Variants in ZSWIM4 observed in about 807,000 individuals in gnomAD.
ZSWIM4 encodes zinc finger SWIM domain-containing protein 4.
ZSWIM4 carries 62 observed loss-of-function variants against 102.5 expected under a neutral mutation model. That is an observed-to-expected ratio of 0.60 (90% CI 0.49 to 0.75). ZSWIM4 has a LOEUF of 0.75. ZSWIM4 is among the 30% of genes least tolerant of loss of function. ZSWIM4 has a pLI of 0.00. For missense variants in ZSWIM4, 1,280 were observed against 1,529.6 expected, an observed-to-expected ratio of 0.84 and a Z score of 2.72; for synonymous variants, 652 against 674.5, an observed-to-expected ratio of 0.97 and a Z score of 0.52.
rs896261422 is a variant in ZSWIM4, at chr19:13,817,409, G to T, written c.1669+56G>T. 7 of 1,575,720 alleles carry T rather than the reference G, an allele frequency of 4.4e-6. No homozygotes were observed. In the African/African-American group the frequency reaches 8.1e-5, roughly 18 times the overall value. ...GGGACAACCCCGCCTCGTTGGCCAC[G>T]CCCCCTGGCCCAGTACCCCTATAAG... On this transcript the variant is annotated intron_variant, in intron 8 of 13. Coordinates refer to ENST00000590508, the MANE Select transcript of ZSWIM4 (RefSeq NM_001367834.3).
intron 1 of ZSWIM4, among the ~76,000 whole-genome samples, chr19:13,797,855 G>C (rs1445470272): frequency 6.6e-6 from 1 of 152,138 alleles, no homozygotes; most frequent in Admixed American, 6.5e-5. Context: ...GTTTCACCAT[G>C]TTGGCCAGGC....
rs373704152 is a variant in ZSWIM4 at position 13,799,848 on chromosome 19, C to T, written c.282C>T (p.His94=). The T allele has an allele frequency of 1.3e-5, 21 of 1,613,614 alleles. 1 individual carries two copies. The South Asian group carries it at 2.1e-4, about 16-fold the overall frequency. ...SLGYPPPEGE[H]DARVPFTRGL... is the part of the protein sequence containing the mutation. ...GTTACCCGCCCCCAGAGGGCGAGCA[C>T]GATGCCCGGGTGCCCTTTACCCGCG... Residue 94 remains histidine, a synonymous_variant, in exon 2 of 14, where the codon CAC becomes CAT. Transcript: ENST00000590508.
intron 3 of ZSWIM4, among the ~76,000 whole-genome samples, chr19:13,806,227 A>C (rs2145278929): frequency 6.6e-6 from 1 of 151,500 alleles, no homozygotes; most frequent in South Asian, 2.1e-4. Flanking sequence ...ATTTTTGTAG[A>C]GACAGGGGTT....
chr19:13,802,643 A>T (rs1388193488), intron 2 of ZSWIM4, among the ~76,000 whole-genome samples: 1 of 151,200 alleles, frequency 6.6e-6, no homozygotes, highest in Non-Finnish European at 1.5e-5. Context: ...CAGTGGCGCG[A>T]TAATAGCTCA....
intron 1 of ZSWIM4, 78 bp from the exon 2 acceptor site, chr19:13,799,642 C>T (rs1568325073): frequency 2.1e-6 from 3 of 1,431,926 alleles, no homozygotes; most frequent in Admixed American, 3.4e-5. Context: ...TGGCCTCAAG[C>T]GATCCTCCCT....
intron 7 of ZSWIM4, 96 bp from the exon 8 acceptor site, chr19:13,817,120 G>T (rs960536868): frequency 6.7e-7 from 1 of 1,492,412 alleles, no homozygotes; most frequent in African/African-American, 1.4e-5. Flanking sequence ...GGCATTATGG[G>T]GCTAGGCTGG....
intron 12 of ZSWIM4, among the ~76,000 whole-genome samples, chr19:13,828,240 C>T (rs568144712): frequency 6.6e-6 from 1 of 152,106 alleles, no homozygotes; most frequent in African/African-American, 2.4e-5. Context: ...GAAACCCCAT[C>T]TCTACTAAAA....
At chr19:13,806,486 G>C (rs1273726326) in intron 3 of ZSWIM4, among the ~76,000 whole-genome samples, 1 of 152,028 alleles carries the variant, frequency 6.6e-6, no homozygotes, top group East Asian at 1.9e-4. Flanking sequence ...GGGCAAAATA[G>C]GGAGACCTCC....
chr19:13,830,481 G>A lies in ZSWIM4; in HGVS notation c.2752G>A (p.Gly918Ser), dbSNP rs531583190. The part of the protein sequence containing the change: ...IVLDAAAGGL[G>S]HAHLFTVARY... ...GCTGGACGCGGCGGCCGGCGGCCTG[G>A]GCCACGCCCACCTCTTCACTGTGGC... Residue 918 changes from glycine (G) to serine (S), a missense_variant, in exon 14 of 14, where the codon GGC becomes AGC. Physicochemically the swap from Gly to Ser is moderately conservative, Grantham distance 56. Transcript: ENST00000590508. 1.3e-5 allele frequency: 21 copies of A among 1,601,778 alleles called. No individual in the cohort carries two copies. The Admixed American group carries it at 2.2e-4, about 17-fold the overall frequency.
Position 13,815,760 on chromosome 19 carries a change from G to A in ZSWIM4, c.1531+895G>A, listed in dbSNP as rs551526570. Among the ~76,000 whole-genome samples the A allele has an allele frequency of 3.3e-5, 5 of 151,852 alleles. No homozygotes were observed. The East Asian group carries it at 7.8e-4, about 24-fold the overall frequency. On this transcript the variant is annotated intron_variant, in intron 7 of 13. Transcript: ENST00000590508. ...GCTGGGATTACAGGTGTAAGCCACC[G>A]TGCCTGGCCTACTGAAAATATTTTT...
rs758577363 is a variant in ZSWIM4 at position 13,799,796 on chromosome 19, G to A, written c.230G>A (p.Arg77Gln). ...IVFWSFPRSE[R>Q]EICMYSSLGY... ...TTTTGGTCGTTTCCACGCAGTGAAC[G>A]GGAAATATGTATGTACTCGTCGCTG... Residue 77 changes from arginine to glutamine, a missense_variant, in exon 2 of 14, where the codon CGG (arginine) becomes CAG (glutamine). Transcript: ENST00000590508. The A allele has an allele frequency of 1.2e-5, 20 of 1,614,034 alleles. No individual in the cohort carries two copies. Among genetic ancestry groups the A allele is most frequent in the Admixed American group, 1.0e-4 (6 of 60,020 alleles).
chr19:13,818,298 C>A (rs1975359056), intron 9 of ZSWIM4, among the ~76,000 whole-genome samples: 1 of 152,196 alleles, frequency 6.6e-6, no homozygotes, highest in South Asian at 2.1e-4. Context: ...TAGACACCGC[C>A]CCTGTCCCGG....
chr19:13,825,784 C>G lies in ZSWIM4; in HGVS notation c.2379+71C>G. ...CCAGGACTGACTGTGAGCTGCGCCT[C>G]CCGGGGCATGGGCTGAGTGTGAGCC... On this transcript the variant is annotated intron_variant, in intron 12 of 13. Transcript: ENST00000590508. The surrounding 1 kb of genome is among the most constrained non-coding windows in gnomAD (Gnocchi z 4.6). 6.6e-7 allele frequency: 1 copy of G among 1,521,244 alleles called. No individual in the cohort carries two copies. The highest frequency in any genetic ancestry group is 8.8e-7 in the Non-Finnish European group (1 of 1,136,672). 94.2% of individuals were successfully genotyped at this position (1,521,244 alleles called of 1,614,324 possible). A position where few individuals can be genotyped will look rare whatever the true frequency, so the allele number is the denominator to read the frequency against.
At chr19:13,804,668 T>C in intron 2 of ZSWIM4, 124 bp from the exon 3 acceptor site, 1 of 736,228 alleles carries the variant, frequency 1.4e-6, no homozygotes, top group Non-Finnish European at 2.2e-6. Flanking sequence ...AAATGCAAAG[T>C]GAGTGAGGTG....
In ZSWIM4 at chr19:13,798,556, G is replaced by A. The variant is rs1009513661; in HGVS notation, c.154-1164G>A. 3.3e-5 allele frequency among the ~76,000 whole-genome samples: 5 copies of A among 152,230 alleles called. No homozygotes were observed. The South Asian group carries it at 6.2e-4, about 19-fold the overall frequency. ...AGACCCTGCAGCTAGGAGGATCCAG[G>A]AGGGAAACCGCAAGAAAGTTCTAGA... On this transcript the variant is annotated intron_variant, in intron 1 of 13. Coordinates refer to ENST00000590508, the MANE Select transcript of ZSWIM4 (RefSeq NM_001367834.3).
chr19:13,799,669 CG>C, intron 1 of ZSWIM4, 50 bp from the exon 2 acceptor site: 1 of 1,570,208 alleles, frequency 6.4e-7, no homozygotes, highest in Non-Finnish European at 8.8e-7. Flanking sequence ...CTTCCCAAAG[CG>C]CTGGGATTAC....
At chr19:13,803,026 G>C (rs1471854626) in intron 2 of ZSWIM4, among the ~76,000 whole-genome samples, 1 of 119,418 alleles carries the variant, frequency 8.4e-6, no homozygotes, top group Non-Finnish European at 1.6e-5. Flanking sequence ...GACCAGTAGA[G>C]GCTGAGCCAG....
At chr19:13,826,868 GC>G (rs1338125500) in intron 12 of ZSWIM4, among the ~76,000 whole-genome samples, 1 of 152,114 alleles carries the variant, frequency 6.6e-6, no homozygotes, top group East Asian at 1.9e-4. Flanking sequence ...AATCTTGGGT[GC>G]AGCTTGCTGG....
At chr19:13,799,616 G>C in intron 1 of ZSWIM4, 104 bp from the exon 2 acceptor site, 1 of 1,113,234 alleles carries the variant, frequency 9.0e-7, no homozygotes, top group Non-Finnish European at 1.4e-6. Flanking sequence ...TGTTGCCCAG[G>C]CTGGTCTCGA....
Sources: allele counts gnomAD v4.1 joint callset (sites outside exome capture counted in the v4.1 genomes callset), GRCh38; gene constraint gnomAD v4.1.1; non-coding constraint Gnocchi (gnomAD v3.1); transcripts MANE v1.5; gene names NCBI Gene and HGNC (gene_info 2026-07-23, HGNC 2026-07-21).